The following MBD6 variants were observed in gnomAD, a reference collection of about 807,000 sequenced individuals.
MBD6 encodes the protein methyl-CpG binding domain protein 6.
Under a neutral mutation model 66.8 loss-of-function variants are expected in MBD6, and 22 were observed. The observed-to-expected ratio is 0.33, with a 90% CI of 0.24 to 0.47. The LOEUF (loss-of-function observed/expected upper bound fraction) is 0.47, where lower values mean the gene tolerates loss of function less well. Ranked by LOEUF, MBD6 falls within the 20% of genes least tolerant of loss-of-function variation. The pLI is 1.00. For missense variants in MBD6, 1,322 were observed against 1,286.9 expected, an observed-to-expected ratio of 1.03 and a Z score of -0.42; for synonymous variants, 540 against 534.6, an observed-to-expected ratio of 1.01 and a Z score of -0.14.
chr12:57,525,437 CTTAATGGGGGT>C lies in MBD6; in HGVS notation c.470_480del (p.Leu157ProfsTer31), dbSNP rs1878817380. 5.9e-6 allele frequency: 9 copies of C among 1,538,178 alleles called. No homozygotes were observed. Among genetic ancestry groups the C allele is most frequent in the Non-Finnish European group, 7.8e-6 (9 of 1,148,188 alleles). On this transcript the variant is annotated frameshift_variant, in exon 6 of 13. Coordinates refer to ENST00000355673, the MANE Select transcript of MBD6 (RefSeq NM_052897.4). LOFTEE classifies it high-confidence loss of function. ...CTGTCGAGTTCCTCCTACAACTCCA[CTTAATGGGGGT>C]CCTGGCTCCCTTCCCCCAGAACCAC...
Position 57,529,325 on chromosome 12 carries a change from A to C in MBD6, c.*91A>C, listed in dbSNP as rs1879362275. On this transcript the variant is annotated 3_prime_UTR_variant, in exon 13 of 13. Coordinates refer to ENST00000355673, the MANE Select transcript of MBD6 (RefSeq NM_052897.4). Reference sequence around the variant, plus strand: ...CTGCCAGCCACCTGCACCTGTGGACAGTGGGTGGGGGCACTACTCCCCACT... The same window carrying C: ...CTGCCAGCCACCTGCACCTGTGGACCGTGGGTGGGGGCACTACTCCCCACT... The C allele has an allele frequency of 7.6e-7, 1 of 1,317,108 alleles. No individual in the cohort carries two copies. Among genetic ancestry groups the C allele is most frequent in the African/African-American group, 1.5e-5 (1 of 68,902 alleles). 81.6% of individuals were successfully genotyped at this position (1,317,108 alleles called of 1,614,324 possible).
downstream of MBD6, chr12:57,530,816 G>A: frequency 2.0e-6 from 3 of 1,514,504 alleles, no homozygotes; most frequent in Non-Finnish European, 2.7e-6. Flanking sequence ...GTCAGGTCCA[G>A]TTGCTTAACT....
At position 57,525,603 on chromosome 12, in the gene MBD6, C is replaced by T. The variant is rs1297673018; in HGVS notation, c.635C>T (p.Pro212Leu). 8 of 1,612,790 alleles carry T rather than the reference C, an allele frequency of 5.0e-6. No homozygotes were observed. The highest frequency in any genetic ancestry group is 6.8e-6 in the Non-Finnish European group (8 of 1,179,424). Residue 212 changes from proline (P) to leucine (L), a missense_variant, in exon 6 of 13, where the codon CCA becomes CTA. Transcript: ENST00000355673. ...RFLPRGNAPS[P>L]APPPPPAISL... ...CTCCCAAGGGGCAATGCCCCCTCTC[C>T]AGCCCCACCTCCTCCACCTGCTATC... is the stretch of plus-strand genomic sequence containing the variant.
At position 57,526,613 on chromosome 12, in the gene MBD6, C is replaced by G; in HGVS notation, c.1468C>G (p.Pro490Ala). 1 of 1,514,022 alleles carries G rather than the reference C, an allele frequency of 6.6e-7. No homozygotes were observed. Among genetic ancestry groups the G allele is most frequent in the Non-Finnish European group, 8.8e-7 (1 of 1,132,322 alleles). The allele number at this position is 1,514,022 out of a possible 1,614,324, so 93.8% of individuals were successfully genotyped here. ...CTCCAAAGCCCCAGTAGTCCCCAGC[C>G]CTGTGCTTCAAAGCCCATCCGAAGG... ...AASKAPVVPS[P>A]VLQSPSEGLG... The change falls in exon 7 of 13, where the codon CCT becomes GCT. Residue 490 changes from proline to alanine, a missense_variant. Transcript: ENST00000355673.
At chr12:57,528,119 GACTGAGA>G in intron 9 of MBD6, 21 bp from the exon 10 acceptor site, 2 of 1,560,994 alleles carry the variant, frequency 1.3e-6, no homozygotes, top group Non-Finnish European at 1.7e-6. Flanking sequence ...ATTTGAGATT[GACTGAGA>G]ACTTATTTTT....
At chr12:57,520,772 G>A (rs890462945), upstream of MBD6, 1 of 265,088 alleles carries the variant, frequency 3.8e-6, no homozygotes, top group African/African-American at 2.3e-5. Context: ...CGCGCGGAGG[G>A]GAGTGTAGCG....
Position 57,526,774 on chromosome 12 carries a change from C to T in MBD6, c.1629C>T (p.Leu543=), listed in dbSNP as rs1365043375. The T allele has an allele frequency of 6.3e-7, 1 of 1,598,506 alleles. No individual in the cohort carries two copies. Among genetic ancestry groups the T allele is most frequent in the Non-Finnish European group, 8.5e-7 (1 of 1,170,108 alleles). Residue 543 remains leucine, a synonymous_variant, in exon 7 of 13, where the codon CTC becomes CTT. Transcript: ENST00000355673. ...GFPGMLGALP[L]PLSLGQPPPS... ...CTGGGATGCTTGGGGCCTTGCCTCT[C>T]CCTCTGAGTCTGGGGCAGCCTCCAC...
chr12:57,524,744 C>T lies in MBD6; in HGVS notation c.138C>T (p.Ser46=). 5 of 1,614,238 alleles carry T rather than the reference C, an allele frequency of 3.1e-6. No homozygotes were observed. Among genetic ancestry groups the T allele is most frequent in the Non-Finnish European group, 4.2e-6 (5 of 1,180,044 alleles). Residue 46 remains serine (S), a synonymous_variant, in exon 4 of 13, where the codon TCC becomes TCT. Transcript: ENST00000355673. ...GTCCAAGTGGCACAGAGCTGTCTTC[C>T]TTGGAGCAAACCCGGAGCTACCTCC... ...YISPSGTELS[S]LEQTRSYLLS...
Position 57,524,948 on chromosome 12 carries a change from T to TA in MBD6, c.217-4dup. 6.2e-7 allele frequency: 1 copy of TA among 1,600,920 alleles called. No homozygotes were observed. The highest frequency in any genetic ancestry group is 1.7e-4 in the Middle Eastern group (1 of 5,998). The stretch of plus-strand genomic sequence containing the variant: ...GGGTCCCTGTCCTTGCTTTCCACCT[T>TA]ACAGGTTTTCAACTTTGACCCTTTG... On this transcript the variant is annotated splice_region_variant and splice_polypyrimidine_tract_variant and intron_variant, in intron 4 of 12. Transcript: ENST00000355673.
rs1260083002 is a variant in MBD6, at chr12:57,525,816, G to C, written c.848G>C (p.Gly283Ala). 1 of 1,611,288 alleles carries C rather than the reference G, an allele frequency of 6.2e-7. No homozygotes were observed. The highest frequency in any genetic ancestry group is 2.2e-5 in the East Asian group (1 of 44,672). ...PPSNNLPAHP[G>A]PASQPPVSSA... ...AGCAATAATCTCCCCGCCCACCCTG[G>C]TCCTGCCTCTCAGCCACCAGTGTCT... Residue 283 changes from glycine (G) to alanine (A), a missense_variant, in exon 6 of 13, where the codon GGT becomes GCT. Physicochemically the swap from Gly to Ala is moderately conservative, Grantham distance 60. Coordinates refer to ENST00000355673, the MANE Select transcript of MBD6 (RefSeq NM_052897.4).
In MBD6 at chr12:57,528,252, C is replaced by G; in HGVS notation, c.2512C>G (p.His838Asp). 6.2e-7 allele frequency: 1 copy of G among 1,606,660 alleles called. No homozygotes were observed. Among genetic ancestry groups the G allele is most frequent in the Non-Finnish European group, 8.5e-7 (1 of 1,176,516 alleles). The stretch of plus-strand genomic sequence containing the variant: ...TCCCCTCAGTGCCTTAGCCCCACCC[C>G]ATGGTTCTCCCGACCCCCCAGTCCC... ...RPPLSALAPP[H>D]GSPDPPVPEL... is the part of the protein sequence containing the mutation. The change falls in exon 10 of 13, where the codon CAT becomes GAT. Residue 838 changes from histidine (H) to aspartate (D), a missense_variant. Physicochemically the swap from His to Asp is moderately conservative, Grantham distance 81. Transcript: ENST00000355673.
chr12:57,527,222 C>A lies in MBD6; in HGVS notation c.2077C>A (p.Pro693Thr). Residue 693 changes from proline (P) to threonine (T), a missense_variant, in exon 7 of 13, where the codon CCC (proline) becomes ACC (threonine). Coordinates refer to ENST00000355673, the MANE Select transcript of MBD6 (RefSeq NM_052897.4). ...ATLDPPSGTPPQPCVLSAPQP... is the reference protein window; with the variant it reads ...ATLDPPSGTPTQPCVLSAPQP... The stretch of plus-strand genomic sequence containing the variant: ...CCTGGATCCCCCCTCGGGGACACCC[C>A]CCCAGGTGAGGATGGGGGTGAGTAG... The A allele has an allele frequency of 6.6e-7, 1 of 1,507,062 alleles. No homozygotes were observed. Among genetic ancestry groups the A allele is most frequent in the Non-Finnish European group, 8.9e-7 (1 of 1,129,316 alleles). 93.4% of individuals were successfully genotyped at this position (1,507,062 alleles called of 1,614,324 possible). A position where few individuals can be genotyped will look rare whatever the true frequency, so the allele number is the denominator to read the frequency against.
In MBD6 at chr12:57,527,116, A is replaced by G; in HGVS notation, c.1971A>G (p.Gly657=). 6.3e-7 allele frequency: 1 copy of G among 1,583,786 alleles called. No individual in the cohort carries two copies. The highest frequency in any genetic ancestry group is 1.2e-5 in the South Asian group (1 of 86,714). Reference sequence around the variant, plus strand: ...GTGGGGAGCCATTTTCAGGCTTGGGAGACCTGTCCCCCCTACTTTTCCCCC... The same window carrying G: ...GTGGGGAGCCATTTTCAGGCTTGGGGGACCTGTCCCCCCTACTTTTCCCCC... The part of the protein sequence containing the change: ...GPSGEPFSGL[G]DLSPLLFPPL... Residue 657 remains glycine (G), a synonymous_variant, in exon 7 of 13, where the codon GGA becomes GGG. Transcript: ENST00000355673.
At position 57,527,495 on chromosome 12, in the gene MBD6, CT is replaced by C. The variant is rs1482538319; in HGVS notation, c.2083-6del. 2 of 1,613,918 alleles carry C rather than the reference CT, an allele frequency of 1.2e-6. No individual in the cohort carries two copies. The highest frequency in any genetic ancestry group is 1.7e-6 in the Non-Finnish European group (2 of 1,179,866). On this transcript the variant is annotated splice_polypyrimidine_tract_variant and intron_variant, in intron 7 of 12. Coordinates refer to ENST00000355673, the MANE Select transcript of MBD6 (RefSeq NM_052897.4). Reference sequence around the variant, plus strand: ...TACACGCGTAAGTGTTAGAATCATTCTTTTTTCTTAGCCCTGTGTCCTGAGT... The same window carrying C: ...TACACGCGTAAGTGTTAGAATCATTCTTTTTCTTAGCCCTGTGTCCTGAGT...
chr12:57,528,369 G>A lies in MBD6; in HGVS notation c.2629G>A (p.Gly877Ser). ...GINGEARPAR[G>S]RKPGSRREPG... ...TAATGGTGAGGCCAGGCCAGCCCGGGGCCGAAAGCCTGGCAGCCGGCGGGA... is the reference window on the plus strand; with the variant it reads ...TAATGGTGAGGCCAGGCCAGCCCGGAGCCGAAAGCCTGGCAGCCGGCGGGA... Residue 877 changes from glycine (G) to serine (S), a missense_variant, in exon 10 of 13, where the codon GGC (glycine) becomes AGC (serine). Gly to Ser is a moderately conservative substitution (Grantham distance 56). Transcript: ENST00000355673. 2 of 1,612,590 alleles carry A rather than the reference G, an allele frequency of 1.2e-6. No homozygotes were observed. The highest frequency in any genetic ancestry group is 1.7e-6 in the Non-Finnish European group (2 of 1,179,810).
At chr12:57,528,925 C>A (rs1317084058) in intron 11 of MBD6, 21 bp from the exon 12 acceptor site, 3 of 1,612,736 alleles carry the variant, frequency 1.9e-6, no homozygotes, top group African/African-American at 2.7e-5. Context: ...TGTTCCTGAT[C>A]ATCTGTGCCC....
intron 1 of MBD6, 42 bp from the exon 2 acceptor site, chr12:57,523,987 G>C: frequency 4.7e-6 from 1 of 211,554 alleles, no homozygotes; most frequent in East Asian, 1.0e-4. Flanking sequence ...CTTTAGAGTT[G>C]GGCAGACTCC....
In MBD6 at chr12:57,527,079, C is replaced by A; in HGVS notation, c.1934C>A (p.Ala645Asp). The A allele has an allele frequency of 6.2e-7, 1 of 1,601,738 alleles. No individual in the cohort carries two copies. The highest frequency in any genetic ancestry group is 1.1e-5 in the South Asian group (1 of 89,836). The change falls in exon 7 of 13, where the codon GCC becomes GAC. Residue 645 changes from alanine to aspartate, a missense_variant. Ala to Asp is a moderately radical substitution (Grantham distance 126). Transcript: ENST00000355673. ...GATGGGGAGGGATCTGCAGAGGGAG[C>A]CGGGGGTCCAAGTGGGGAGCCATTT... ...AGDGEGSAEG[A>D]GGPSGEPFSG...
rs1879024225 is a variant in MBD6 at position 57,526,966 on chromosome 12, C to G, written c.1821C>G (p.Pro607=). 1 of 1,613,732 alleles carries G rather than the reference C, an allele frequency of 6.2e-7. No homozygotes were observed. The highest frequency in any genetic ancestry group is 8.5e-7 in the Non-Finnish European group (1 of 1,179,986). ...TGGCTTCCTTGCTTCCTCCACCACC[C>G]TCAGACCTTCTTCCACCTCCTTCAG... The part of the protein sequence containing the change: ...LLVASLLPPP[P]SDLLPPPSAP... The change falls in exon 7 of 13, where the codon CCC becomes CCG. Residue 607 remains proline (P), a synonymous_variant. Transcript: ENST00000355673.
Sources: gnomAD v4.1 joint callset for allele counts on GRCh38, gnomAD v4.1.1 for gene constraint, MANE v1.5 for transcripts, NCBI Gene and HGNC (gene_info 2026-07-23, HGNC 2026-07-21) for gene names.